INPP5D: variants seen among roughly 807,000 people sequenced by gnomAD.
INPP5D encodes inositol polyphosphate-5-phosphatase D.
A neutral mutation model predicts 122.9 loss-of-function variants in INPP5D; 33 were observed. The ratio of observed to expected loss-of-function variants is 0.27; its 90% CI spans 0.20 to 0.36. INPP5D has a LOEUF of 0.36. INPP5D is among the 10% of genes least tolerant of loss of function. The pLI is 1.00. For missense variants in INPP5D, 1,053 were observed against 1,412.7 expected, an observed-to-expected ratio of 0.75 and a Z score of 4.08; for synonymous variants, 584 against 576.2, an observed-to-expected ratio of 1.01 and a Z score of -0.19.
rs888063205 is a variant in INPP5D at position 233,078,534 on chromosome 2, C to T, written c.135-801C>T. 5.3e-5 allele frequency among the ~76,000 whole-genome samples: 8 copies of T among 152,162 alleles called. No homozygotes were observed. Among genetic ancestry groups the T allele is most frequent in the Admixed American group, 1.3e-4 (2 of 15,276 alleles). On this transcript the variant is annotated intron_variant, in intron 1 of 26. Coordinates refer to ENST00000445964, the MANE Select transcript of INPP5D (RefSeq NM_001017915.3). The surrounding 1 kb of genome is among the most constrained non-coding windows in gnomAD (Gnocchi z 4.6). ...CATTTGGGGGTGGCAGGGAGCTCAG[C>T]GGGAACGAGGTGCTGAGTGATCCCT...
At chr2:233,084,847 C>T (rs1025470168) in intron 2 of INPP5D, among the ~76,000 whole-genome samples, 4 of 152,244 alleles carry the variant, frequency 2.6e-5, no homozygotes, top group African/African-American at 9.6e-5. Context: ...GACAATGGGC[C>T]CCAAGGGGGT....
chr2:233,066,475 C>A (rs1193245643), intron 1 of INPP5D, among the ~76,000 whole-genome samples: 2 of 152,338 alleles, frequency 1.3e-5, no homozygotes, highest in East Asian at 1.9e-4. Context: ...AAAATGCTAA[C>A]CTTCCTGTGT....
intron 10 of INPP5D, among the ~76,000 whole-genome samples, chr2:233,159,493 T>C (rs1574774050): frequency 1.4e-5 from 2 of 147,628 alleles, no homozygotes; most frequent in Admixed American, 1.4e-4. Flanking sequence ...AGACCAAGAG[T>C]TCGAGACTAG....
rs117002109 is a variant in INPP5D, at chr2:233,061,071, C to T, written c.134+459C>T. Among the ~76,000 whole-genome samples, 99 of 152,274 alleles carry T rather than the reference C, an allele frequency of 6.5e-4. No homozygotes were observed. The East Asian group carries it at 0.011, about 17-fold the overall frequency. On this transcript the variant is annotated intron_variant, in intron 1 of 26. Transcript: ENST00000445964. ...GCCCCTGGAGGAAGCTGTTGTTTGG[C>T]GAGCCAAGAATATGGGGTGAGTTTA...
Position 233,194,700 on chromosome 2 carries a change from G to A in INPP5D, c.2597-699G>A, listed in dbSNP as rs371691937. On this transcript the variant is annotated intron_variant, in intron 23 of 26. Coordinates refer to ENST00000445964, the MANE Select transcript of INPP5D (RefSeq NM_001017915.3). ...TTTAGTAGAGACAGGGTTTCACCACGTTGACTAGGCTAGTCTGGAACTCCT... is the reference window on the plus strand; with the variant it reads ...TTTAGTAGAGACAGGGTTTCACCACATTGACTAGGCTAGTCTGGAACTCCT... Among the ~76,000 whole-genome samples the A allele has an allele frequency of 3.6e-3, 544 of 152,076 alleles. 23 individuals carry two copies. In the South Asian group the frequency reaches 0.093, roughly 26 times the overall value.
intron 9 of INPP5D, among the ~76,000 whole-genome samples, chr2:233,149,347 C>T (rs558910717): frequency 6.6e-6 from 1 of 152,140 alleles, no homozygotes; most frequent in African/African-American, 2.4e-5. Flanking sequence ...GTGATCCACC[C>T]GCCTTGGCTT....
chr2:233,120,414 G>A (rs942077688), intron 2 of INPP5D, among the ~76,000 whole-genome samples: 1 of 152,214 alleles, frequency 6.6e-6, no homozygotes, highest in African/African-American at 2.4e-5. Context: ...AACCCAGGAG[G>A]TGGAGGCTGC....
intron 2 of INPP5D, among the ~76,000 whole-genome samples, chr2:233,093,683 A>AG (rs1692048368): frequency 9.9e-6 from 1 of 100,578 alleles, no homozygotes; most frequent in Non-Finnish European, 2.1e-5. Flanking sequence ...CACTGTCTCC[A>AG]AAAAAAAAAA....
chr2:233,109,633 C>CA (rs1403543643), intron 2 of INPP5D, among the ~76,000 whole-genome samples: 2 of 151,646 alleles, frequency 1.3e-5, no homozygotes, highest in Non-Finnish European at 2.9e-5. Flanking sequence ...GGCTGGAGTA[C>CA]AATGGCGCGA....
chr2:233,184,484 C>A lies in INPP5D; in HGVS notation c.2238C>A (p.Thr746=). The change falls in exon 20 of 27, where the codon ACC becomes ACA. Residue 746 remains threonine (T), a synonymous_variant. Transcript: ENST00000445964. ...CYATLKTKSQ[T]KFYLEFHSSC... is the part of the protein sequence containing the mutation. ...CCACATTGAAGACCAAGTCCCAGAC[C>A]AAATTCTACCTGGAGTTCCACTCGA... 6.2e-7 allele frequency: 1 copy of A among 1,614,022 alleles called. No homozygotes were observed. Among genetic ancestry groups the A allele is most frequent in the Non-Finnish European group, 8.5e-7 (1 of 1,179,896 alleles).
intron 8 of INPP5D, 50 bp downstream of exon 8, chr2:233,146,488 CAG>C (rs1693764930): frequency 1.4e-6 from 1 of 702,506 alleles, no homozygotes; most frequent in Non-Finnish European, 2.6e-6. Flanking sequence ...CACAGCTGGG[CAG>C]AGAGACATGT....
chr2:233,176,413 A>T (rs111486235), intron 17 of INPP5D, among the ~76,000 whole-genome samples: 7 of 142,492 alleles, frequency 4.9e-5, no homozygotes, highest in Non-Finnish European at 1.1e-4. Flanking sequence ...AGATAGATGG[A>T]TGTGTGGGTG....
chr2:233,126,298 C>A (rs1349725485), intron 4 of INPP5D, among the ~76,000 whole-genome samples: 1 of 152,214 alleles, frequency 6.6e-6, no homozygotes, highest in African/African-American at 2.4e-5. Context: ...CATTGCCCCC[C>A]AAAGAAATCC....
intron 17 of INPP5D, among the ~76,000 whole-genome samples, chr2:233,176,089 G>A (rs1694617602): frequency 6.6e-6 from 1 of 152,200 alleles, no homozygotes; most frequent in Non-Finnish European, 1.5e-5. Context: ...CTTTATGTTT[G>A]TAGACAGAGA....
intron 9 of INPP5D, 21 bp downstream of exon 9, chr2:233,147,615 C>G (rs1693801407): frequency 1.4e-6 from 1 of 702,558 alleles, no homozygotes; most frequent in Non-Finnish European, 2.6e-6. Flanking sequence ...TCGTGCCTAT[C>G]AACCACTGCC....
chr2:233,078,378 C>T lies in INPP5D; in HGVS notation c.135-957C>T, dbSNP rs1050000473. ...AGAAAGAGAAGAGAATCTGGGATTC[C>T]TAGGACCTTCTTGTTAGAAACAACC... On this transcript the variant is annotated intron_variant, in intron 1 of 26. Transcript: ENST00000445964. The surrounding 1 kb of genome is among the most constrained non-coding windows in gnomAD (Gnocchi z 4.6). 1.3e-5 allele frequency among the ~76,000 whole-genome samples: 2 copies of T among 152,196 alleles called. No individual in the cohort carries two copies. Among genetic ancestry groups the T allele is most frequent in the Non-Finnish European group, 1.5e-5 (1 of 68,016 alleles).
At position 233,177,322 on chromosome 2, in the gene INPP5D, G is replaced by T. The variant is rs747194817; in HGVS notation, c.2047G>T (p.Val683Leu). 69 of 1,613,856 alleles carry T rather than the reference G, an allele frequency of 4.3e-5. No individual in the cohort carries two copies. Among genetic ancestry groups the T allele is most frequent in the Non-Finnish European group, 5.8e-5 (69 of 1,179,836 alleles). The change falls in exon 18 of 27, where the codon GTG becomes TTG. Residue 683 changes from valine (V) to leucine (L), a missense_variant. Around this residue, in one of 6 missense-constraint regions of INPP5D, gnomAD observed 258 missense variants for 439.1 expected, o/e 0.59. Coordinates refer to ENST00000445964, the MANE Select transcript of INPP5D (RefSeq NM_001017915.3). The surrounding 1 kb of genome is among the most constrained non-coding windows in gnomAD (Gnocchi z 4.2). ...AGTCCTCTGGAAGTCTTATCCCCTG[G>T]TGCACGTGGTGTGTCAGTCTTATGG... ...DRVLWKSYPLVHVVCQSYGST... is the reference protein window; with the variant it reads ...DRVLWKSYPLLHVVCQSYGST...
chr2:233,100,975 G>A lies in INPP5D; in HGVS notation c.199-21132G>A, dbSNP rs1270181600. ...CTCACTGAACGGTAATCCCCTCCGT[G>A]TGCCCCCAACGAGTCATTCACCATC... On this transcript the variant is annotated intron_variant, in intron 2 of 26. Coordinates refer to ENST00000445964, the MANE Select transcript of INPP5D (RefSeq NM_001017915.3). This position sits in a 1 kb window ranked among gnomAD's most constrained non-coding sequence, Gnocchi z 5.3. Among the ~76,000 whole-genome samples the A allele has an allele frequency of 7.6e-6, 1 of 132,354 alleles. No homozygotes were observed. Among genetic ancestry groups the A allele is most frequent in the Non-Finnish European group, 1.6e-5 (1 of 63,312 alleles). The allele number at this position is 132,354 out of a possible 152,430, so 86.8% of individuals were successfully genotyped here. A position where few individuals can be genotyped will look rare whatever the true frequency, so the allele number is the denominator to read the frequency against.
At chr2:233,077,526 G>T (rs1419511752) in intron 1 of INPP5D, among the ~76,000 whole-genome samples, 3 of 152,108 alleles carry the variant, frequency 2.0e-5, no homozygotes, top group Non-Finnish European at 4.4e-5. Context: ...GGGTGTGGTG[G>T]CACATGCCTG....
Sources: gnomAD v4.1 joint callset for allele counts (sites outside exome capture counted in the v4.1 genomes callset) on GRCh38, gnomAD v4.1.1 for gene constraint, gnomAD v4.1.1 regional missense constraint, Gnocchi (gnomAD v3.1) non-coding constraint, MANE v1.5 for transcripts, NCBI Gene and HGNC (gene_info 2026-07-23, HGNC 2026-07-21) for gene names.